CAST: variants seen among roughly 807,000 people sequenced by gnomAD.
The protein encoded by CAST is calpastatin.
In CAST, 76 loss-of-function variants were observed where a neutral mutation model predicts 119.6. That is an observed-to-expected ratio of 0.64 (90% confidence interval 0.53 to 0.77). The LOEUF (loss-of-function observed/expected upper bound fraction) is 0.77, where lower values mean the gene tolerates loss of function less well. Among genes scored for constraint, CAST ranks in the 30% least tolerant of loss-of-function variants. The probability of loss-of-function intolerance (pLI) is 0.00; values close to 1 mark genes in which losing one functional copy is unlikely to be tolerated. For missense variants in CAST, 953 were observed against 946.5 expected (o/e 1.01, Z -0.09); for synonymous variants, 319 against 331.6 (o/e 0.96, Z 0.41).
intron 3 of CAST, among the ~76,000 whole-genome samples, chr5:96,697,696 C>T (rs879844625): frequency 2.3e-4 from 35 of 152,234 alleles, no homozygotes; most frequent in Non-Finnish European, 3.7e-4. Context: ...GAGTTGCTTA[C>T]ACAAACAAAT....
At chr5:96,168,235 A>C in the CAST span, among the ~76,000 whole-genome samples, 5 of 152,164 alleles carry the variant, frequency 3.3e-5, no homozygotes, top group African/African-American at 1.2e-4. Flanking sequence ...GCTTTTAGCT[A>C]CCTTATCAGC....
intron 1 of CAST, among the ~76,000 whole-genome samples, chr5:96,650,418 T>C (rs1280880179): frequency 6.6e-6 from 1 of 152,188 alleles, no homozygotes; most frequent in African/African-American, 2.4e-5. Flanking sequence ...GAATGTGCTT[T>C]CATGTGACCA....
the CAST span, among the ~76,000 whole-genome samples, chr5:96,089,066 C>CTTTT: frequency 8.5e-6 from 1 of 117,712 alleles, no homozygotes; most frequent in Non-Finnish European, 1.8e-5. Context: ...CTCCAAAAAT[C>CTTTT]TTTTTTTTTT....
chr5:96,587,520 G>A (rs778360727), intron 1 of CAST, among the ~76,000 whole-genome samples: 10 of 152,186 alleles, frequency 6.6e-5, no homozygotes, highest in Non-Finnish European at 1.5e-4. Context: ...TGTGATGAGA[G>A]GGTTGTTGGG....
the CAST span, among the ~76,000 whole-genome samples, chr5:96,086,258 G>A: frequency 6.6e-6 from 1 of 152,144 alleles, no homozygotes; most frequent in South Asian, 2.1e-4. Context: ...ATCAGAACCT[G>A]CAAATGGAGG....
the CAST span, among the ~76,000 whole-genome samples, chr5:96,320,264 T>C: frequency 6.9e-6 from 1 of 144,806 alleles, no homozygotes; most frequent in South Asian, 2.3e-4. Flanking sequence ...TGAGATGGAA[T>C]TTTTGCCCAG....
the CAST span, among the ~76,000 whole-genome samples, chr5:96,178,395 C>G: frequency 6.6e-6 from 1 of 152,126 alleles, no homozygotes; most frequent in Non-Finnish European, 1.5e-5. Context: ...CTTAGGTCTA[C>G]ACATGTTTTC....
chr5:96,131,516 A>G, the CAST span, among the ~76,000 whole-genome samples: 1 of 152,162 alleles, frequency 6.6e-6, no homozygotes, highest in Non-Finnish European at 1.5e-5. Flanking sequence ...TGGGATGTTC[A>G]GGAAAAATAA....
At chr5:96,185,496 T>C in the CAST span, among the ~76,000 whole-genome samples, 2 of 152,230 alleles carry the variant, frequency 1.3e-5, no homozygotes, top group Non-Finnish European at 2.9e-5. Flanking sequence ...TACATTGAAG[T>C]CTTTAAGTCA....
chr5:96,487,430 T>G, the CAST span, among the ~76,000 whole-genome samples: 1 of 152,262 alleles, frequency 6.6e-6, no homozygotes, highest in Non-Finnish European at 1.5e-5. Flanking sequence ...CTGATGCCTT[T>G]TCCATTTCCC....
At chr5:96,354,011 A>G in the CAST span, among the ~76,000 whole-genome samples, 1 of 152,196 alleles carries the variant, frequency 6.6e-6, no homozygotes, top group Admixed American at 6.6e-5. Context: ...CCAGCTTCTC[A>G]GGCCAGAAAC....
intron 1 of CAST, among the ~76,000 whole-genome samples, chr5:96,537,128 C>T (rs1745830961): frequency 6.6e-6 from 1 of 152,208 alleles, no homozygotes; most frequent in Admixed American, 6.5e-5. Flanking sequence ...TTTGAACTTC[C>T]CTGACTGCCT....
At chr5:96,286,608 C>T in the CAST span, among the ~76,000 whole-genome samples, 1 of 152,038 alleles carries the variant, frequency 6.6e-6, no homozygotes, top group Non-Finnish European at 1.5e-5. Context: ...GGAATTTTTT[C>T]CTAAGTTTTT....
At chr5:96,369,932 A>G in the CAST span, among the ~76,000 whole-genome samples, 1 of 152,092 alleles carries the variant, frequency 6.6e-6, no homozygotes, top group South Asian at 2.1e-4. Context: ...TCTGACAGCT[A>G]TGCTTTGCAC....
intron 1 of CAST, among the ~76,000 whole-genome samples, chr5:96,656,540 A>C (rs1446541439): frequency 1.3e-5 from 2 of 152,174 alleles, no homozygotes; most frequent in Non-Finnish European, 2.9e-5. Context: ...CAGTTTCCAC[A>C]GTGAAGCCCA....
At chr5:96,744,426 A>G (rs1166965733) in intron 16 of CAST, among the ~76,000 whole-genome samples, 2 of 152,186 alleles carry the variant, frequency 1.3e-5, no homozygotes, top group African/African-American at 4.8e-5. Context: ...TTATAAAACC[A>G]TCAGATCTAG....
At chr5:96,060,590 T>C in the CAST span, among the ~76,000 whole-genome samples, 1 of 152,116 alleles carries the variant, frequency 6.6e-6, no homozygotes, top group Non-Finnish European at 1.5e-5. Flanking sequence ...ACATTTCTTC[T>C]ACCTGTTAAC....
the CAST span, among the ~76,000 whole-genome samples, chr5:96,355,102 T>A: frequency 6.6e-6 from 1 of 152,232 alleles, no homozygotes; most frequent in South Asian, 2.1e-4. Flanking sequence ...CATGGTGGTT[T>A]GCTGCACCCA....
the CAST span, among the ~76,000 whole-genome samples, chr5:96,101,206 C>G: frequency 2.6e-5 from 4 of 152,132 alleles, no homozygotes; most frequent in East Asian, 5.8e-4. Flanking sequence ...TGTGCCTGGC[C>G]ATTTGTTTTA....
Sources: gnomAD v4.1 joint callset for allele counts (sites outside exome capture counted in the v4.1 genomes callset) on GRCh38, gnomAD v4.1.1 for gene constraint, MANE v1.5 for transcripts, NCBI Gene and HGNC (gene_info 2026-07-23, HGNC 2026-07-21) for gene names.